Variants in ACACA observed in about 807,000 individuals in gnomAD.
ACACA encodes acetyl-CoA carboxylase 1.
A neutral mutation model predicts 296.1 loss-of-function variants in ACACA; 103 were observed. The ratio of observed to expected loss-of-function variants is 0.35; its 90% CI spans 0.30 to 0.41. ACACA has a LOEUF of 0.41. ACACA is among the 10% of genes least tolerant of loss of function. The pLI, the probability that ACACA is intolerant of heterozygous loss-of-function variation, is 1.00. For synonymous variants in ACACA, 953 were observed against 1,038.6 expected, an observed-to-expected ratio of 0.92 and a Z score of 1.58; for missense variants, 1,554 against 2,989.7, an observed-to-expected ratio of 0.52 and a Z score of 11.20.
intron 3 of ACACA, 81 bp from the exon 4 acceptor site, chr17:37,285,051 T>A (rs1438620998): frequency 6.5e-7 from 1 of 1,529,330 alleles, no homozygotes; most frequent in African/African-American, 1.4e-5. Flanking sequence ...ATAACAGTAC[T>A]TTCACAACTG....
chr17:37,288,527 C>T (rs929151970), intron 3 of ACACA, among the ~76,000 whole-genome samples: 15 of 152,122 alleles, frequency 9.9e-5, no homozygotes, highest in African/African-American at 2.4e-4. Flanking sequence ...ATGATGGAAA[C>T]GTTCTATATC....
At chr17:37,391,289 C>A (rs1468081560) in intron 1 of ACACA, among the ~76,000 whole-genome samples, 4 of 152,140 alleles carry the variant, frequency 2.6e-5, no homozygotes, top group Non-Finnish European at 5.9e-5. Flanking sequence ...CTCATTTGAG[C>A]CTTACAGAAA....
At chr17:37,110,028 C>A (rs1391675910) in intron 52 of ACACA, among the ~76,000 whole-genome samples, 1 of 151,198 alleles carries the variant, frequency 6.6e-6, no homozygotes, top group Non-Finnish European at 1.5e-5. Flanking sequence ...CAGAAGAAGA[C>A]CGACTTTGAC....
chr17:37,329,280 A>G (rs1182322051), intron 3 of ACACA, among the ~76,000 whole-genome samples: 1 of 152,208 alleles, frequency 6.6e-6, no homozygotes, highest in Non-Finnish European at 1.5e-5. Context: ...AATGTTAGTC[A>G]AAGTAGTACA....
intron 2 of ACACA, among the ~76,000 whole-genome samples, chr17:37,336,858 T>C (rs1335650081): frequency 2.6e-5 from 4 of 152,198 alleles, no homozygotes; most frequent in Admixed American, 1.3e-4. Context: ...CCGTCAATAC[T>C]TTAAAATGTT....
In ACACA at chr17:37,087,439, G is replaced by A. The variant is rs1394504373; in HGVS notation, c.7029C>T (p.Ser2343=). ...SRDYVLKQIR[S]LVQANPEVAM... is the part of the protein sequence containing the mutation. ...CAACCTCTGGATTGGCCTGGACCAA[G>A]CTGGAAAGGAAGATTGAGAATGGTG... Residue 2343 remains serine, a splice_region_variant and synonymous_variant, in exon 56 of 56, where the codon AGC becomes AGT. Coordinates refer to ENST00000616317, the MANE Select transcript of ACACA (RefSeq NM_198834.3). 6.2e-7 allele frequency: 1 copy of A among 1,614,166 alleles called. No individual in the cohort carries two copies. Among genetic ancestry groups the A allele is most frequent in the Admixed American group, 1.7e-5 (1 of 60,022 alleles).
chr17:37,382,263 C>T (rs996463608), intron 1 of ACACA, among the ~76,000 whole-genome samples: 2 of 152,050 alleles, frequency 1.3e-5, no homozygotes, highest in South Asian at 2.1e-4. Context: ...TGCCTATTCC[C>T]CCACAGCTGC....
At chr17:37,087,831 G>A (rs1281305707) in intron 55 of ACACA, among the ~76,000 whole-genome samples, 1 of 152,200 alleles carries the variant, frequency 6.6e-6, no homozygotes, top group Non-Finnish European at 1.5e-5. Flanking sequence ...ACTGAGTGGT[G>A]ACTGGTAATT....
chr17:37,248,702 C>T lies in ACACA; in HGVS notation c.2082-28G>A, dbSNP rs146806618. On this transcript the variant is annotated intron_variant, in intron 16 of 55. Transcript: ENST00000616317. ...GAAAGAACGATGAGAGAGGAACTTA[C>T]TACAAAGTTCTAACAGTTATAAGAG... The T allele has an allele frequency of 1.4e-5, 21 of 1,454,694 alleles. No homozygotes were observed. In the African/African-American group the frequency reaches 2.1e-4, roughly 14 times the overall value. The allele number at this position is 1,454,694 out of a possible 1,614,324, so 90.1% of individuals were successfully genotyped here.
At chr17:37,293,009 T>A (rs1228113586) in intron 3 of ACACA, among the ~76,000 whole-genome samples, 3 of 152,274 alleles carry the variant, frequency 2.0e-5, no homozygotes, top group African/African-American at 4.8e-5. Flanking sequence ...CATGCTTAAC[T>A]ATATATTAAA....
chr17:37,244,497 C>G (rs1285843742), intron 21 of ACACA, 91 bp downstream of exon 21: 1 of 1,508,338 alleles, frequency 6.6e-7, no homozygotes, highest in East Asian at 2.3e-5. Flanking sequence ...TTCTTTTCCT[C>G]CCTCTTAAAC....
At chr17:37,127,680 C>T (rs756491420) in intron 47 of ACACA, among the ~76,000 whole-genome samples, 1 of 151,888 alleles carries the variant, frequency 6.6e-6, no homozygotes, top group Non-Finnish European at 1.5e-5. Context: ...CCCGTCTCTA[C>T]TAAAATTACA....
intron 54 of ACACA, among the ~76,000 whole-genome samples, chr17:37,091,839 G>T (rs566584609): frequency 1.7e-4 from 26 of 152,094 alleles, no homozygotes; most frequent in Non-Finnish European, 3.7e-4. Context: ...GCCTCCCAAA[G>T]TGCTGGGATT....
At chr17:37,374,654 TA>T (rs1000474828) in intron 1 of ACACA, among the ~76,000 whole-genome samples, 2 of 152,018 alleles carry the variant, frequency 1.3e-5, no homozygotes, top group African/African-American at 4.8e-5. Flanking sequence ...CACTAGACAC[TA>T]AAAAAATACA....
intron 3 of ACACA, among the ~76,000 whole-genome samples, chr17:37,297,193 G>A (rs932273350): frequency 6.6e-6 from 1 of 151,370 alleles, no homozygotes; most frequent in Non-Finnish European, 1.5e-5. Flanking sequence ...TGTAATCCCA[G>A]CACTTTGAGA....
At chr17:37,288,945 C>T (rs547861579) in intron 3 of ACACA, among the ~76,000 whole-genome samples, 1 of 152,000 alleles carries the variant, frequency 6.6e-6, no homozygotes, top group South Asian at 2.1e-4. Context: ...TAAATTATAC[C>T]TCAACAAACC....
intron 5 of ACACA, among the ~76,000 whole-genome samples, chr17:37,278,863 T>G (rs1350994564): frequency 6.6e-6 from 1 of 152,210 alleles, no homozygotes; most frequent in Admixed American, 6.5e-5. Flanking sequence ...TAAATTTATT[T>G]TATCTTGTTC....
At chr17:37,258,071 A>G (rs1056386232) in intron 13 of ACACA, 141 bp downstream of exon 13, 23 of 1,191,976 alleles carry the variant, frequency 1.9e-5, no homozygotes, top group Non-Finnish European at 2.5e-5. Flanking sequence ...AGCAACAACC[A>G]TTTACTTATC....
At position 37,243,476 on chromosome 17, in the gene ACACA, A is replaced by G; in HGVS notation, c.2826T>C (p.Ser942=). ...PLLELQDIMT[S]VSGRIPPNVE... Reference sequence around the variant, plus strand: ...CATTGGGGGGAATGCGGCCAGACACACTGGTCATAATATCTTGCAATTCTA... The same window carrying G: ...CATTGGGGGGAATGCGGCCAGACACGCTGGTCATAATATCTTGCAATTCTA... Residue 942 remains serine (S), a synonymous_variant, in exon 22 of 56, where the codon AGT becomes AGC. Transcript: ENST00000616317. 6.2e-7 allele frequency: 1 copy of G among 1,614,124 alleles called. No individual in the cohort carries two copies.
Sources: gnomAD v4.1 joint callset for allele counts (sites outside exome capture counted in the v4.1 genomes callset) on GRCh38, gnomAD v4.1.1 for gene constraint, MANE v1.5 for transcripts, NCBI Gene and HGNC (gene_info 2026-07-23, HGNC 2026-07-21) for gene names.